NUP160: variants seen among roughly 807,000 people sequenced by gnomAD.
NUP160 encodes nuclear pore complex protein Nup160.
NUP160 carries 94 observed loss-of-function variants against 196.9 expected under a neutral mutation model. That is an observed-to-expected ratio of 0.48 (90% CI 0.40 to 0.57). NUP160 has a LOEUF of 0.57. Ranked by LOEUF, NUP160 falls within the 20% of genes least tolerant of loss-of-function variation. NUP160 has a pLI of 0.00. For synonymous variants in NUP160, 605 were observed against 619.7 expected (o/e 0.98, Z 0.35); for missense variants, 1,638 against 1,748.3 (o/e 0.94, Z 1.13).
chr11:47,840,342 T>C (rs754705565), intron 3 of NUP160, 36 bp downstream of exon 3: 1 of 1,536,534 alleles, frequency 6.5e-7, no homozygotes, highest in Non-Finnish European at 9.0e-7. Flanking sequence ...CCAGAGTAAT[T>C]TGGGAAATAA....
At chr11:47,842,410 C>T (rs1852323336) in intron 2 of NUP160, among the ~76,000 whole-genome samples, 1 of 152,180 alleles carries the variant, frequency 6.6e-6, no homozygotes, top group Non-Finnish European at 1.5e-5. Flanking sequence ...AATTCCTTCG[C>T]TTTCCTGCCT....
intron 27 of NUP160, among the ~76,000 whole-genome samples, chr11:47,794,655 C>T (rs1032364220): frequency 2.6e-5 from 4 of 152,102 alleles, no homozygotes; most frequent in African/African-American, 9.7e-5. Flanking sequence ...GCCTGTAATC[C>T]CAGCACTTTG....
intron 10 of NUP160, 74 bp downstream of exon 10, chr11:47,819,300 G>A (rs1030521158): frequency 2.9e-5 from 31 of 1,077,962 alleles, no homozygotes; most frequent in Admixed American, 7.5e-5. Context: ...GCCACAGAGC[G>A]AGACTCTGTC....
chr11:47,791,457 A>G (rs922167318), intron 29 of NUP160, among the ~76,000 whole-genome samples: 4 of 152,296 alleles, frequency 2.6e-5, no homozygotes, highest in African/African-American at 9.6e-5. Context: ...CTCCTGCCTC[A>G]GCCTCCTGAG....
At chr11:47,822,535 C>T (rs570931684) in intron 7 of NUP160, among the ~76,000 whole-genome samples, 7 of 151,616 alleles carry the variant, frequency 4.6e-5, no homozygotes, top group Admixed American at 2.6e-4. Flanking sequence ...GGATTACAGG[C>T]GTGAGCCACT....
intron 7 of NUP160, 78 bp downstream of exon 7, chr11:47,835,573 A>G: frequency 8.2e-7 from 1 of 1,224,066 alleles, no homozygotes; most frequent in Non-Finnish European, 1.1e-6. Context: ...GAGCTTGAAC[A>G]GACTCACTGA....
chr11:47,821,173 T>C (rs1288517536), intron 9 of NUP160, among the ~76,000 whole-genome samples: 2 of 151,972 alleles, frequency 1.3e-5, no homozygotes, highest in Non-Finnish European at 2.9e-5. Context: ...TCCCAAGAAA[T>C]ATGACATTTT....
At chr11:47,807,212 C>A in intron 18 of NUP160, 72 bp from the exon 19 acceptor site, 2 of 892,636 alleles carry the variant, frequency 2.2e-6, no homozygotes, top group East Asian at 2.5e-5. Flanking sequence ...AGCTCTTCTA[C>A]GAAGAACACT....
In NUP160 at chr11:47,847,834, A is replaced by C; in HGVS notation, c.314+14T>G. The C allele has an allele frequency of 6.3e-7, 1 of 1,593,482 alleles. No individual in the cohort carries two copies. Among genetic ancestry groups the C allele is most frequent in the African/African-American group, 1.3e-5 (1 of 74,672 alleles). On this transcript the variant is annotated intron_variant, in intron 2 of 35. Coordinates refer to ENST00000378460, the Ensembl canonical transcript of NUP160. ...CCTACCTTCCAGGGGAGTTTGGCGA[A>C]CCACAACACTTACCAATGAATGAAC...
chr11:47,848,214 C>A lies in NUP160; in HGVS notation c.202+5G>T, dbSNP rs368246063. The stretch of plus-strand genomic sequence containing the variant: ...GGATCGCACCCTCCCTGGCCATTTC[C>A]GTACCAATGCTGCAGACTGTGAATT... On this transcript the variant is annotated splice_donor_5th_base_variant and intron_variant, in intron 1 of 35. Coordinates refer to ENST00000378460, the Ensembl canonical transcript of NUP160. 3.3e-5 allele frequency: 54 copies of A among 1,614,046 alleles called. No individual in the cohort carries two copies. The highest frequency in any genetic ancestry group is 4.2e-5 in the Non-Finnish European group (50 of 1,180,018).
At chr11:47,832,222 T>C (rs936741747) in intron 7 of NUP160, among the ~76,000 whole-genome samples, 1 of 152,072 alleles carries the variant, frequency 6.6e-6, no homozygotes, top group African/African-American at 2.4e-5. Flanking sequence ...TTGTCTTTAA[T>C]CTCCAAACTG....
rs1217870990 is a variant in NUP160, at chr11:47,845,871, G to A, written c.314+1977C>T. On this transcript the variant is annotated intron_variant, in intron 2 of 35. Coordinates refer to ENST00000378460, the Ensembl canonical transcript of NUP160. ...AATCAGGCTGGACACGGTGGCTTAC[G>A]CCTGTAATCCTAGCAAGTTGGGAGG... Among the ~76,000 whole-genome samples the A allele has an allele frequency of 2.0e-5, 3 of 152,058 alleles. No individual in the cohort carries two copies. In the South Asian group the frequency reaches 6.2e-4, roughly 31 times the overall value.
intron 7 of NUP160, among the ~76,000 whole-genome samples, chr11:47,823,154 T>C (rs1851898039): frequency 6.6e-6 from 1 of 152,192 alleles, no homozygotes; most frequent in South Asian, 2.1e-4. Flanking sequence ...TCTTCAAAAA[T>C]TTTTTCTTTT....
intron 19 of NUP160, 94 bp from the exon 20 acceptor site, chr11:47,806,406 C>G (rs2097677656): frequency 1.1e-6 from 1 of 948,896 alleles, no homozygotes; most frequent in Non-Finnish European, 1.6e-6. Flanking sequence ...TTGTAACAAA[C>G]AATTTAGCAC....
chr11:47,806,452 G>A (rs2097677701), intron 19 of NUP160, 140 bp from the exon 20 acceptor site: 2 of 607,150 alleles, frequency 3.3e-6, no homozygotes, highest in Non-Finnish European at 5.6e-6. Context: ...TATATATCCA[G>A]TGGCAATATA....
intron 12 of NUP160, 33 bp downstream of exon 12, chr11:47,815,913 G>C (rs2097684149): frequency 6.6e-7 from 1 of 1,515,140 alleles, no homozygotes; most frequent in African/African-American, 1.4e-5. Flanking sequence ...CAAGATGGAA[G>C]GAATTCTTAT....
At chr11:47,835,949 C>T (rs1224541787) in intron 6 of NUP160, 140 bp from the exon 7 acceptor site, 1 of 687,902 alleles carries the variant, frequency 1.5e-6, no homozygotes, top group Non-Finnish European at 2.3e-6. Flanking sequence ...GTTTTTGTTT[C>T]AAAAGGGCTA....
At chr11:47,832,902 A>AGC in intron 7 of NUP160, among the ~76,000 whole-genome samples, 1 of 152,368 alleles carries the variant, frequency 6.6e-6, no homozygotes, top group South Asian at 2.1e-4. Flanking sequence ...AAAACCACTT[A>AGC]TATGATTCCA....
chr11:47,785,098 A>ATTATTTTTTTTTTTTTTT, intron 32 of NUP160, 35 bp from the exon 33 acceptor site: 1 of 1,137,356 alleles, frequency 8.8e-7, no homozygotes, highest in Non-Finnish European at 1.2e-6. Context: ...TGAGTTTCAG[A>ATTATTTTTTTTTTTTTTT]TTCTTAATAG....
Sources: gnomAD v4.1 joint callset for allele counts (sites outside exome capture counted in the v4.1 genomes callset) on GRCh38, gnomAD v4.1.1 for gene constraint, MANE v1.5 for transcripts, NCBI Gene and HGNC (gene_info 2026-07-23, HGNC 2026-07-21) for gene names.